DLG2: variants seen among roughly 807,000 people sequenced by gnomAD.
DLG2 encodes discs large MAGUK scaffold protein 2.
A neutral mutation model predicts 132.5 loss-of-function variants in DLG2; 45 were observed. The observed-to-expected ratio is 0.34, with a 90% CI of 0.27 to 0.44. The LOEUF (loss-of-function observed/expected upper bound fraction) is 0.44. Among genes scored for constraint, DLG2 ranks in the 20% least tolerant of loss-of-function variants. DLG2 has a pLI of 1.00. For synonymous variants in DLG2, 424 were observed against 419.6 expected (o/e 1.01, Z -0.13); for missense variants, 1,045 against 1,196.9 (o/e 0.87, Z 1.87).
At chr11:85,408,522 A>G (rs144551784) in intron 3 of DLG2, among the ~76,000 whole-genome samples, 8,043 of 147,374 alleles carry the variant, frequency 0.055, 273 homozygotes, top group Middle Eastern at 0.15. Context: ...CATTAGGTAT[A>G]TCTCCCAATG....
At chr11:83,661,492 A>C (rs555479928) in intron 18 of DLG2, among the ~76,000 whole-genome samples, 1 of 152,336 alleles carries the variant, frequency 6.6e-6, no homozygotes, top group Non-Finnish European at 1.5e-5. Flanking sequence ...ACTATGTGCC[A>C]GATAATATAT....
intron 14 of DLG2, among the ~76,000 whole-genome samples, chr11:83,954,481 C>T (rs2086303207): frequency 6.6e-6 from 1 of 152,124 alleles, no homozygotes; most frequent in Non-Finnish European, 1.5e-5. Flanking sequence ...CCTTTCATTT[C>T]TACACTTTGC....
chr11:83,997,982 A>T (rs551042747), intron 11 of DLG2, among the ~76,000 whole-genome samples: 136 of 151,798 alleles, frequency 9.0e-4, no homozygotes, highest in African/African-American at 3.3e-3. Flanking sequence ...AAATACAAAA[A>T]AAATTAGCTG....
chr11:84,778,505 T>TA (rs1181882657), intron 6 of DLG2, among the ~76,000 whole-genome samples: 2 of 152,212 alleles, frequency 1.3e-5, no homozygotes, highest in South Asian at 2.1e-4. Flanking sequence ...GGTATTTTGA[T>TA]AAAAAATGCA....
chr11:83,511,243 T>A (rs781575096), intron 21 of DLG2, among the ~76,000 whole-genome samples: 69 of 152,192 alleles, frequency 4.5e-4, no homozygotes, highest in Non-Finnish European at 2.9e-4. Flanking sequence ...GAGAACATGC[T>A]ATTGTTTTCC....
intron 18 of DLG2, among the ~76,000 whole-genome samples, chr11:83,665,847 T>C (rs189184648): frequency 6.6e-6 from 1 of 152,270 alleles, no homozygotes; most frequent in African/African-American, 2.4e-5. Context: ...GAGATTGGAA[T>C]TCTCTATCAG....
At chr11:84,148,514 G>T (rs1351667573) in intron 9 of DLG2, among the ~76,000 whole-genome samples, 1 of 152,120 alleles carries the variant, frequency 6.6e-6, no homozygotes, top group East Asian at 1.9e-4. Context: ...TGCTCAGGAT[G>T]ATGGCCTCCA....
At chr11:83,930,239 G>A (rs2079888334) in intron 15 of DLG2, 89 bp downstream of exon 15, 2 of 1,442,154 alleles carry the variant, frequency 1.4e-6, no homozygotes, top group Non-Finnish European at 1.9e-6. Context: ...TTTAGTGCAA[G>A]AGAAGTGAGC....
At chr11:83,511,184 T>A (rs1219964303) in intron 21 of DLG2, among the ~76,000 whole-genome samples, 1 of 152,032 alleles carries the variant, frequency 6.6e-6, no homozygotes, top group Non-Finnish European at 1.5e-5. Context: ...ACACTAGTGA[T>A]CACCGGGTGA....
intron 10 of DLG2, among the ~76,000 whole-genome samples, chr11:84,083,881 T>A (rs560686559): frequency 6.6e-6 from 1 of 152,356 alleles, no homozygotes; most frequent in East Asian, 1.9e-4. Context: ...CTATTTATTT[T>A]ATTTTTACTG....
At chr11:85,443,792 G>T (rs919379831) in intron 3 of DLG2, among the ~76,000 whole-genome samples, 4 of 152,228 alleles carry the variant, frequency 2.6e-5, no homozygotes, top group South Asian at 2.1e-4. Flanking sequence ...TACTACATTT[G>T]GAAGGAATAT....
At chr11:84,992,213 C>G (rs998699093) in intron 6 of DLG2, among the ~76,000 whole-genome samples, 1 of 152,052 alleles carries the variant, frequency 6.6e-6, no homozygotes. Context: ...TAAATTACTT[C>G]AATATTTTTT....
intron 6 of DLG2, among the ~76,000 whole-genome samples, chr11:84,665,360 T>A (rs1241636603): frequency 6.6e-6 from 1 of 152,158 alleles, no homozygotes; most frequent in African/African-American, 2.4e-5. Flanking sequence ...CAATATTACA[T>A]AGTCAGCAGC....
At chr11:84,912,141 C>CT (rs2092115680) in intron 6 of DLG2, among the ~76,000 whole-genome samples, 1 of 138,042 alleles carries the variant, frequency 7.2e-6, no homozygotes, top group Non-Finnish European at 1.6e-5. Flanking sequence ...TTGGCTTTCA[C>CT]AATTTATTTA....
chr11:83,944,000 T>A (rs925495602), intron 14 of DLG2, among the ~76,000 whole-genome samples: 4 of 152,220 alleles, frequency 2.6e-5, no homozygotes, highest in Non-Finnish European at 5.9e-5. Context: ...ACCTGCCATA[T>A]GGTACATACT....
At chr11:84,279,359 G>T (rs1278770037) in intron 7 of DLG2, among the ~76,000 whole-genome samples, 3 of 152,146 alleles carry the variant, frequency 2.0e-5, no homozygotes, top group Admixed American at 2.0e-4. Context: ...CACTGTTGGT[G>T]GGAGTGTAAA....
intron 6 of DLG2, among the ~76,000 whole-genome samples, chr11:84,861,640 C>CAAAAAAAA (rs1248486704): frequency 7.1e-4 from 54 of 75,634 alleles, no homozygotes; most frequent in South Asian, 3.7e-3. Context: ...AAAAAAAAAA[C>CAAAAAAAA]AAAAAAAAAA....
At chr11:85,350,323 A>G (rs147142652) in intron 3 of DLG2, among the ~76,000 whole-genome samples, 5,338 of 152,150 alleles carry the variant, frequency 0.035, 144 homozygotes, top group Admixed American at 0.049. Flanking sequence ...TTGTCAGATG[A>G]GTAGATTGCA....
At chr11:85,499,228 A>C (rs925297858) in intron 3 of DLG2, among the ~76,000 whole-genome samples, 1 of 152,162 alleles carries the variant, frequency 6.6e-6, no homozygotes, top group African/African-American at 2.4e-5. Context: ...AAGAGAGAAG[A>C]ATCAAATAGA....
Sources: gnomAD v4.1 joint callset for allele counts (sites outside exome capture counted in the v4.1 genomes callset) on GRCh38, gnomAD v4.1.1 for gene constraint, MANE v1.5 for transcripts, NCBI Gene and HGNC (gene_info 2026-07-23, HGNC 2026-07-21) for gene names.